HPSE2: variants seen among roughly 807,000 people sequenced by gnomAD.
HPSE2 encodes the protein heparanase 2 (inactive), also known as inactive heparanase-2.
A neutral mutation model predicts 60.5 loss-of-function variants in HPSE2; 38 were observed. The ratio of observed to expected loss-of-function variants is 0.63; its 90% CI spans 0.48 to 0.82. The LOEUF (loss-of-function observed/expected upper bound fraction) is 0.82. Among genes scored for constraint, HPSE2 ranks in the 40% least tolerant of loss-of-function variants. HPSE2 has a pLI of 0.00. For synonymous variants in HPSE2, 295 were observed against 293.2 expected (o/e 1.01, Z -0.06); for missense variants, 713 against 740.4 (o/e 0.96, Z 0.43).
At chr10:99,260,581 A>T in the HPSE2 span, among the ~76,000 whole-genome samples, 3 of 152,142 alleles carry the variant, frequency 2.0e-5, no homozygotes, top group African/African-American at 7.2e-5. Flanking sequence ...TTTCCTCTCT[A>T]GTAGAGACAA....
In HPSE2 at chr10:98,701,016, A is replaced by G. The variant is rs1343311061; in HGVS notation, c.957-7069T>C. Reference sequence around the variant, plus strand: ...CAGGTGCTGGAGAGGATGTGGAGAAATAGGAACACTTTTACACTGTTGGTG... The same window carrying G: ...CAGGTGCTGGAGAGGATGTGGAGAAGTAGGAACACTTTTACACTGTTGGTG... On this transcript the variant is annotated intron_variant, in intron 5 of 11. Coordinates refer to ENST00000370552, the MANE Select transcript of HPSE2 (RefSeq NM_021828.5). 3.1e-5 allele frequency among the ~76,000 whole-genome samples: 2 copies of G among 65,116 alleles called. 1 individual carries two copies. The highest frequency in any genetic ancestry group is 3.8e-4 in the Admixed American group (2 of 5,284). The allele number at this position is 65,116 out of a possible 152,430, so 42.7% of individuals were successfully genotyped here.
Position 98,459,447 on chromosome 10 carries a change from G to T in HPSE2, c.*127C>A. The T allele has an allele frequency of 9.6e-7, 1 of 1,041,550 alleles. No homozygotes were observed. Among genetic ancestry groups the T allele is most frequent in the Non-Finnish European group, 1.5e-6 (1 of 662,720 alleles). The allele number at this position is 1,041,550 out of a possible 1,614,324, so 64.5% of individuals were successfully genotyped here. ...TAGTCTCTTTGGAGAGCAAGTCTGT[G>T]TTGATTCCAGCAGGATGGGGCAGCA... On this transcript the variant is annotated 3_prime_UTR_variant, in exon 12 of 12. Transcript: ENST00000370552.
chr10:98,489,811 T>C (rs1941575063), intron 10 of HPSE2, among the ~76,000 whole-genome samples: 1 of 152,340 alleles, frequency 6.6e-6, no homozygotes, highest in Non-Finnish European at 1.5e-5. Flanking sequence ...AATGAACAAA[T>C]GGCAAGAATT....
intron 3 of HPSE2, among the ~76,000 whole-genome samples, chr10:98,924,775 ACTAGGAGTTGC>A (rs1017362516): frequency 3.3e-5 from 5 of 152,080 alleles, no homozygotes; most frequent in Non-Finnish European, 7.4e-5. Context: ...CCAGCCTAGC[ACTAGGAGTTGC>A]CTAGGAATTG....
the HPSE2 span, among the ~76,000 whole-genome samples, chr10:99,300,973 G>A: frequency 6.6e-6 from 1 of 152,124 alleles, no homozygotes; most frequent in East Asian, 1.9e-4. Flanking sequence ...AAACCAAATG[G>A]GGAGTATAGA....
intron 7 of HPSE2, 112 bp downstream of exon 7, chr10:98,641,735 C>G: frequency 1.2e-6 from 1 of 826,188 alleles, no homozygotes; most frequent in Admixed American, 1.7e-5. Flanking sequence ...CACTATTTTC[C>G]TATTTTTCTA....
chr10:99,014,399 A>G (rs190075076), intron 3 of HPSE2, among the ~76,000 whole-genome samples: 3 of 152,316 alleles, frequency 2.0e-5, no homozygotes, highest in African/African-American at 2.4e-5. Context: ...TATTGTGAAT[A>G]GTGTTGCAAT....
chr10:99,069,404 G>T (rs1020542495), intron 3 of HPSE2, among the ~76,000 whole-genome samples: 1 of 151,976 alleles, frequency 6.6e-6, no homozygotes, highest in East Asian at 1.9e-4. Flanking sequence ...AATCATGAGA[G>T]CTAGACCTCG....
chr10:98,595,951 G>T (rs1443224614), intron 9 of HPSE2, among the ~76,000 whole-genome samples: 2 of 152,082 alleles, frequency 1.3e-5, no homozygotes, highest in African/African-American at 4.8e-5. Context: ...TACATCTATT[G>T]AAATGATTAT....
intron 3 of HPSE2, among the ~76,000 whole-genome samples, chr10:99,038,386 C>A (rs1957657428): frequency 1.3e-5 from 2 of 152,050 alleles, no homozygotes; most frequent in Non-Finnish European, 2.9e-5. Context: ...CTATCAAGAG[C>A]ATTATGCTGA....
chr10:98,851,936 G>A (rs1952182552), intron 3 of HPSE2, among the ~76,000 whole-genome samples: 1 of 152,050 alleles, frequency 6.6e-6, no homozygotes, highest in South Asian at 2.1e-4. Flanking sequence ...CTGTAATTAG[G>A]AGGAAAACCA....
intron 9 of HPSE2, among the ~76,000 whole-genome samples, chr10:98,603,439 GT>G (rs58750714): frequency 6.9e-6 from 1 of 144,210 alleles, no homozygotes; most frequent in African/African-American, 2.5e-5. Context: ...CTGTTTTTTT[GT>G]TTTTTTTTTT....
chr10:99,203,844 T>A (rs915419978), intron 2 of HPSE2, among the ~76,000 whole-genome samples: 1 of 116,698 alleles, frequency 8.6e-6, no homozygotes, highest in Non-Finnish European at 2.1e-5. Flanking sequence ...TCCAGGCCAG[T>A]TGCCACAAAC....
chr10:98,535,789 G>A (rs1943264859), intron 9 of HPSE2, among the ~76,000 whole-genome samples: 2 of 152,110 alleles, frequency 1.3e-5, no homozygotes, highest in African/African-American at 4.8e-5. Context: ...GTTCCAGCCT[G>A]CCTCTTCATT....
the HPSE2 span, among the ~76,000 whole-genome samples, chr10:99,266,736 C>T: frequency 3.3e-5 from 5 of 152,176 alleles, no homozygotes; most frequent in Admixed American, 1.3e-4. Flanking sequence ...AAAACCCTGA[C>T]AGAGTCCATT....
chr10:98,480,258 T>G (rs1009688041), intron 11 of HPSE2, among the ~76,000 whole-genome samples: 4 of 151,944 alleles, frequency 2.6e-5, no homozygotes, highest in Non-Finnish European at 4.4e-5. Context: ...ATTTTTGTAT[T>G]TTTTTTGTAC....
At chr10:98,654,562 A>G (rs1171815115) in intron 6 of HPSE2, among the ~76,000 whole-genome samples, 10 of 152,090 alleles carry the variant, frequency 6.6e-5, no homozygotes, top group Non-Finnish European at 1.3e-4. Context: ...TTTTATTTCT[A>G]TCATTTCCTT....
At chr10:99,133,315 C>G (rs893411172) in intron 3 of HPSE2, among the ~76,000 whole-genome samples, 6 of 152,134 alleles carry the variant, frequency 3.9e-5, no homozygotes, top group African/African-American at 1.4e-4. Context: ...GTGCAGTTTC[C>G]GCAAACTTAA....
the HPSE2 span, among the ~76,000 whole-genome samples, chr10:99,277,968 G>A: frequency 1.3e-5 from 2 of 151,678 alleles, no homozygotes; most frequent in Non-Finnish European, 2.9e-5. Context: ...GTGGTGGTGC[G>A]CACCTGTAAT....
Sources: gnomAD v4.1 joint callset for allele counts (sites outside exome capture counted in the v4.1 genomes callset) on GRCh38, gnomAD v4.1.1 for gene constraint, MANE v1.5 for transcripts, NCBI Gene and HGNC (gene_info 2026-07-23, HGNC 2026-07-21) for gene names.